Variants in CTIF observed in about 807,000 individuals in gnomAD.
The protein encoded by CTIF is cap binding complex dependent translation initiation factor.
Under a neutral mutation model 66.0 loss-of-function variants are expected in CTIF, and 21 were observed. The observed-to-expected ratio is 0.32, with a 90% confidence interval of 0.23 to 0.46. The LOEUF (loss-of-function observed/expected upper bound fraction) is 0.46. Among genes scored for constraint, CTIF ranks in the 20% least tolerant of loss-of-function variants. The pLI is 1.00. For missense variants in CTIF, 739 were observed against 812.7 expected (o/e 0.91, Z 1.10); for synonymous variants, 345 against 326.4 (o/e 1.06, Z -0.62).
intron 9 of CTIF, 98 bp from the exon 10 acceptor site, chr18:48,817,123 G>A: frequency 8.0e-7 from 1 of 1,249,996 alleles, no homozygotes; most frequent in Non-Finnish European, 1.1e-6. Context: ...CTGCTGCCCA[G>A]GAGCAGCCCC....
intron 3 of CTIF, among the ~76,000 whole-genome samples, chr18:48,654,701 A>G (rs2091214441): frequency 6.6e-6 from 1 of 152,278 alleles, no homozygotes; most frequent in Non-Finnish European, 1.5e-5. Flanking sequence ...ACTATTCACA[A>G]TAGCAAAGAC....
intron 10 of CTIF, among the ~76,000 whole-genome samples, chr18:48,851,763 G>A (rs899806245): frequency 2.0e-5 from 3 of 152,040 alleles, no homozygotes; most frequent in Non-Finnish European, 2.9e-5. Context: ...ATCAGCTCCC[G>A]GGTTCTGCCT....
chr18:48,568,754 A>T (rs987956338), intron 1 of CTIF, among the ~76,000 whole-genome samples: 2 of 151,434 alleles, frequency 1.3e-5, no homozygotes, highest in African/African-American at 2.4e-5. Context: ...GGCACATCTT[A>T]CATGGCGGCA....
intron 6 of CTIF, among the ~76,000 whole-genome samples, chr18:48,672,572 G>A (rs144034234): frequency 6.6e-6 from 1 of 152,148 alleles, no homozygotes; most frequent in African/African-American, 2.4e-5. Flanking sequence ...TCTTGAGCCT[G>A]TACATAGATA....
chr18:48,560,669 C>T (rs1032654071), intron 1 of CTIF, among the ~76,000 whole-genome samples: 2 of 152,154 alleles, frequency 1.3e-5, no homozygotes, highest in African/African-American at 4.8e-5. Context: ...CTCTTGGCCT[C>T]AAGCCATCCT....
intron 7 of CTIF, among the ~76,000 whole-genome samples, chr18:48,747,751 TAA>T (rs10711852): frequency 0.029 from 4,154 of 141,532 alleles, 199 homozygotes; most frequent in African/African-American, 0.099. Context: ...CTACAAAAAT[TAA>T]AAAAAAAAAA....
Position 48,678,492 on chromosome 18 carries a change from C to T in CTIF, c.507+7748C>T, listed in dbSNP as rs147138033. 4.0e-3 allele frequency among the ~76,000 whole-genome samples: 601 copies of T among 152,104 alleles called. 3 individuals are homozygous for T. Among genetic ancestry groups the T allele is most frequent in the African/African-American group, 0.014 (564 of 41,494 alleles). On this transcript the variant is annotated intron_variant, in intron 6 of 11. Coordinates refer to ENST00000256413, the MANE Select transcript of CTIF (RefSeq NM_014772.3). ...AAATGGGGCCAGAAGTTCTCCAATC[C>T]GTGGTTTCCTGTCTGAGACCTCCAG...
intron 3 of CTIF, among the ~76,000 whole-genome samples, chr18:48,657,747 G>A (rs868398326): frequency 1.1e-4 from 17 of 152,130 alleles, no homozygotes; most frequent in African/African-American, 4.1e-4. Flanking sequence ...GGAGTGGGAG[G>A]GTGTGGAGAG....
chr18:48,598,952 G>T (rs2090038441), intron 1 of CTIF, among the ~76,000 whole-genome samples: 1 of 152,218 alleles, frequency 6.6e-6, no homozygotes, highest in Non-Finnish European at 1.5e-5. Context: ...GAGTGGAGCA[G>T]ATTCCAGATT....
chr18:48,649,985 A>G (rs1358302716), intron 3 of CTIF, among the ~76,000 whole-genome samples: 1 of 152,258 alleles, frequency 6.6e-6, no homozygotes, highest in Non-Finnish European at 1.5e-5. Flanking sequence ...CACCAACGTC[A>G]AAGACCAAAG....
chr18:48,754,545 TC>T (rs1320916385), intron 7 of CTIF, among the ~76,000 whole-genome samples: 2 of 152,214 alleles, frequency 1.3e-5, no homozygotes, highest in Non-Finnish European at 2.9e-5. Context: ...TCTGGGTTCT[TC>T]CCTGCCCTCC....
At chr18:48,843,137 T>C (rs1473519255) in intron 10 of CTIF, among the ~76,000 whole-genome samples, 5 of 132,022 alleles carry the variant, frequency 3.8e-5, no homozygotes, top group Non-Finnish European at 6.4e-5. Context: ...AACTATCCCC[T>C]GTCTCAAGGA....
At chr18:48,692,214 A>C (rs1026807523) in intron 6 of CTIF, among the ~76,000 whole-genome samples, 1 of 152,082 alleles carries the variant, frequency 6.6e-6, no homozygotes, top group Non-Finnish European at 1.5e-5. Context: ...CCCTTGCTCA[A>C]CTCAACTGGG....
Position 48,786,625 on chromosome 18 carries a change from G to A in CTIF, c.1371+24936G>A, listed in dbSNP as rs146811690. Among the ~76,000 whole-genome samples the A allele has an allele frequency of 7.9e-3, 1,209 of 152,310 alleles. 5 individuals carry two copies. The highest frequency in any genetic ancestry group is 0.031 in the Middle Eastern group (9 of 294). On this transcript the variant is annotated intron_variant, in intron 9 of 11. Coordinates refer to ENST00000256413, the MANE Select transcript of CTIF (RefSeq NM_014772.3). ...GACTGTGAACGTGCAGTTCATTGCT[G>A]AGCAGAAACTCGATGGAACATGGGC...
intron 6 of CTIF, among the ~76,000 whole-genome samples, chr18:48,673,174 C>T (rs1401196763): frequency 1.3e-5 from 2 of 152,238 alleles, no homozygotes; most frequent in African/African-American, 2.4e-5. Flanking sequence ...CCTTCCTGGA[C>T]TCTGGGCTGC....
intron 10 of CTIF, among the ~76,000 whole-genome samples, chr18:48,849,890 A>T (rs2069163579): frequency 6.6e-6 from 1 of 152,044 alleles, no homozygotes; most frequent in Admixed American, 6.6e-5. Flanking sequence ...GGCCCATTTT[A>T]ACCATTTTTA....
chr18:48,666,188 GC>G lies in CTIF; in HGVS notation c.431+1640del, dbSNP rs541900980. Among the ~76,000 whole-genome samples the G allele has an allele frequency of 2.8e-3, 418 of 151,992 alleles. 1 individual carries two copies. The highest frequency in any genetic ancestry group is 4.3e-3 in the Non-Finnish European group (292 of 67,988). On this transcript the variant is annotated intron_variant, in intron 5 of 11. Coordinates refer to ENST00000256413, the MANE Select transcript of CTIF (RefSeq NM_014772.3). ...CTGATGACCCTTACTTTTCCTTCCA[GC>G]CCTCCCCTGCTCACTCTTGTCTCCC...
chr18:48,812,106 G>T (rs1202249241), intron 9 of CTIF, among the ~76,000 whole-genome samples: 1 of 152,080 alleles, frequency 6.6e-6, no homozygotes, highest in African/African-American at 2.4e-5. Context: ...TGGATTACAG[G>T]CACCCACCAC....
chr18:48,733,471 G>A (rs1320364778), intron 7 of CTIF, among the ~76,000 whole-genome samples: 1 of 152,154 alleles, frequency 6.6e-6, no homozygotes, highest in Non-Finnish European at 1.5e-5. Context: ...TCAGGAGTGG[G>A]GTGCTCTCAG....
Sources: allele counts gnomAD v4.1 joint callset (sites outside exome capture counted in the v4.1 genomes callset), GRCh38; gene constraint gnomAD v4.1.1; transcripts MANE v1.5; gene names NCBI Gene and HGNC (gene_info 2026-07-23, HGNC 2026-07-21).